PPFIBP1: variants seen among roughly 807,000 people sequenced by gnomAD.
PPFIBP1 encodes the protein liprin-beta-1.
PPFIBP1 carries 112 observed loss-of-function variants against 137.8 expected under a neutral mutation model. The ratio of observed to expected loss-of-function variants is 0.81; its 90% CI spans 0.70 to 0.95. The LOEUF (loss-of-function observed/expected upper bound fraction) is 0.95. Among genes scored for constraint, PPFIBP1 ranks in the 40% least tolerant of loss-of-function variants. PPFIBP1 has a pLI of 0.00. For synonymous variants in PPFIBP1, 378 were observed against 417.3 expected, an observed-to-expected ratio of 0.91 and a Z score of 1.15; for missense variants, 1,083 against 1,196.6, an observed-to-expected ratio of 0.91 and a Z score of 1.40.
intron 2 of PPFIBP1, among the ~76,000 whole-genome samples, chr12:27,597,060 G>A (rs143763093): frequency 0.018 from 2,721 of 152,294 alleles, 34 homozygotes; most frequent in Middle Eastern, 0.044. Flanking sequence ...CCGTTGAGGG[G>A]AACCGCATGT....
intron 2 of PPFIBP1, among the ~76,000 whole-genome samples, chr12:27,623,898 C>T (rs1158067799): frequency 6.6e-6 from 1 of 152,034 alleles, no homozygotes; most frequent in Non-Finnish European, 1.5e-5. Context: ...ATTTGGTGTC[C>T]ACCACACTAG....
intron 1 of PPFIBP1, among the ~76,000 whole-genome samples, chr12:27,536,254 G>T (rs759082432): frequency 6.6e-6 from 1 of 152,164 alleles, no homozygotes; most frequent in Non-Finnish European, 1.5e-5. Flanking sequence ...GGCCAGGAAT[G>T]GTGGCTGTAC....
chr12:27,602,284 T>C (rs1242971737), intron 2 of PPFIBP1, among the ~76,000 whole-genome samples: 1 of 152,200 alleles, frequency 6.6e-6, no homozygotes, highest in Non-Finnish European at 1.5e-5. Context: ...CCAGCTTTAT[T>C]GAGGCATAAT....
intron 7 of PPFIBP1, among the ~76,000 whole-genome samples, chr12:27,653,752 A>G (rs544468021): frequency 1.3e-5 from 2 of 152,056 alleles, no homozygotes; most frequent in South Asian, 4.2e-4. Context: ...TTCCTTTCCT[A>G]CTCTCTGGGC....
At chr12:27,664,985 A>T (rs1170789500) in intron 12 of PPFIBP1, among the ~76,000 whole-genome samples, 2 of 152,136 alleles carry the variant, frequency 1.3e-5, no homozygotes, top group Non-Finnish European at 2.9e-5. Flanking sequence ...GTCAGGAGTT[A>T]GAGACCAGCC....
intron 7 of PPFIBP1, among the ~76,000 whole-genome samples, chr12:27,652,209 A>G (rs1486539840): frequency 6.6e-6 from 1 of 152,228 alleles, no homozygotes; most frequent in Non-Finnish European, 1.5e-5. Flanking sequence ...ATATTTGGAT[A>G]TTAATTTCCA....
At chr12:27,640,327 G>A (rs2058024832) in intron 4 of PPFIBP1, among the ~76,000 whole-genome samples, 1 of 152,178 alleles carries the variant, frequency 6.6e-6, no homozygotes, top group Admixed American at 6.5e-5. Flanking sequence ...TTGGTCTCAT[G>A]TTATCCTTCC....
chr12:27,667,204 TC>T lies in PPFIBP1; in HGVS notation c.1032del (p.Ile345SerfsTer22), dbSNP rs1225367411. 1 of 1,611,930 alleles carries T rather than the reference TC, an allele frequency of 6.2e-7. No individual in the cohort carries two copies. The highest frequency in any genetic ancestry group is 8.5e-7 in the Non-Finnish European group (1 of 1,179,068). On this transcript the variant is annotated frameshift_variant, in exon 13 of 30. Coordinates refer to ENST00000228425, the MANE Select transcript of PPFIBP1 (RefSeq NM_003622.4). LOFTEE classifies it high-confidence loss of function. ...GEYEELLNSS[S>X]ISSLLDAQGF... ...ATATGAAGAGCTGCTCAATTCCAGTTCCATCTCCTCTTTGCTGGATGCACAG... is the reference window on the plus strand; with the variant it reads ...ATATGAAGAGCTGCTCAATTCCAGTTCATCTCCTCTTTGCTGGATGCACAG...
chr12:27,629,376 A>G lies in PPFIBP1; in HGVS notation c.-35-3986A>G, dbSNP rs117600965. Among the ~76,000 whole-genome samples, 240 of 152,334 alleles carry G rather than the reference A, an allele frequency of 1.6e-3. 2 individuals are homozygous for G. The East Asian group carries it at 0.03, about 19-fold the overall frequency. Reference sequence around the variant, plus strand: ...GTGTAACCTATATCTCAATCAAGATACTGACCAGAAATTCCACTGGTGTCT... The same window carrying G: ...GTGTAACCTATATCTCAATCAAGATGCTGACCAGAAATTCCACTGGTGTCT... On this transcript the variant is annotated intron_variant, in intron 2 of 29. Coordinates refer to ENST00000228425, the MANE Select transcript of PPFIBP1 (RefSeq NM_003622.4).
intron 2 of PPFIBP1, among the ~76,000 whole-genome samples, chr12:27,601,967 A>G (rs1472159367): frequency 6.6e-6 from 1 of 152,224 alleles, no homozygotes; most frequent in African/African-American, 2.4e-5. Flanking sequence ...CACATTAGCC[A>G]CATTTCAAGT....
rs2052519315 is a variant in PPFIBP1, at chr12:27,591,542, T to C, written c.-36+13303T>C. ...TGTGTGGGAAATGTTTCAATGAGAA[T>C]TGACTCTTAATTAACTCTCACTCTT... On this transcript the variant is annotated intron_variant, in intron 2 of 29. Coordinates refer to ENST00000228425, the MANE Select transcript of PPFIBP1 (RefSeq NM_003622.4). 2.6e-5 allele frequency among the ~76,000 whole-genome samples: 4 copies of C among 152,316 alleles called. No homozygotes were observed. In the South Asian group the frequency reaches 8.3e-4, roughly 32 times the overall value.
intron 14 of PPFIBP1, among the ~76,000 whole-genome samples, chr12:27,671,878 C>G (rs1287017562): frequency 1.3e-5 from 2 of 152,104 alleles, no homozygotes; most frequent in Admixed American, 6.6e-5. Flanking sequence ...TTGAGACCAG[C>G]CTGGCCAACA....
At chr12:27,679,667 G>C (rs1214090799) in intron 20 of PPFIBP1, 28 bp downstream of exon 20, 3 of 1,608,330 alleles carry the variant, frequency 1.9e-6, no homozygotes, top group Non-Finnish European at 2.6e-6. Context: ...CAAGTGGAAT[G>C]GGCCCTGTCT....
At chr12:27,617,936 C>A (rs1482963641) in intron 2 of PPFIBP1, among the ~76,000 whole-genome samples, 1 of 152,162 alleles carries the variant, frequency 6.6e-6, no homozygotes, top group South Asian at 2.1e-4. Context: ...GTGGTAAAAG[C>A]AAGTTTTCAA....
chr12:27,674,575 C>T (rs1016312896), intron 17 of PPFIBP1, among the ~76,000 whole-genome samples: 8 of 152,118 alleles, frequency 5.3e-5, no homozygotes, highest in African/African-American at 1.9e-4. Context: ...GAATTGTGCA[C>T]TTTAAAATTG....
chr12:27,625,469 A>C (rs1035100740), intron 2 of PPFIBP1, among the ~76,000 whole-genome samples: 2 of 152,160 alleles, frequency 1.3e-5, no homozygotes, highest in Non-Finnish European at 2.9e-5. Context: ...AGATAAGTAT[A>C]ATAGCATTAT....
At chr12:27,596,890 A>G (rs2137550402) in intron 2 of PPFIBP1, among the ~76,000 whole-genome samples, 1 of 152,330 alleles carries the variant, frequency 6.6e-6, no homozygotes, top group Non-Finnish European at 1.5e-5. Flanking sequence ...ATTCAAACAT[A>G]GCCAGATTCA....
intron 2 of PPFIBP1, among the ~76,000 whole-genome samples, chr12:27,594,470 G>A (rs1454968079): frequency 2.0e-5 from 3 of 152,096 alleles, no homozygotes; most frequent in East Asian, 1.9e-4. Context: ...GAGCCACCAC[G>A]CCCAGCCCCA....
chr12:27,612,091 G>T (rs1442333109), intron 2 of PPFIBP1, among the ~76,000 whole-genome samples: 1 of 152,136 alleles, frequency 6.6e-6, no homozygotes, highest in Non-Finnish European at 1.5e-5. Context: ...TAGCTCTCCA[G>T]TGCTTTGGAC....
Sources: gnomAD v4.1 joint callset for allele counts (sites outside exome capture counted in the v4.1 genomes callset) on GRCh38, gnomAD v4.1.1 for gene constraint, MANE v1.5 for transcripts, NCBI Gene and HGNC (gene_info 2026-07-23, HGNC 2026-07-21) for gene names.